The following NAV3 variants were observed in gnomAD, a reference collection of about 807,000 sequenced individuals.
The protein encoded by NAV3 is pore membrane and/or filament interacting like protein 1.
NAV3 carries 87 observed loss-of-function variants against 244.7 expected under a neutral mutation model. The ratio of observed to expected loss-of-function variants is 0.36; its 90% confidence interval spans 0.30 to 0.42. NAV3 has a LOEUF of 0.42. NAV3 is among the 20% of genes least tolerant of loss of function. NAV3 has a pLI of 1.00. For synonymous variants in NAV3, 1,126 were observed against 1,042.2 expected (o/e 1.08, Z -1.55); for missense variants, 2,663 against 2,893.3 (o/e 0.92, Z 1.83).
chr12:77,691,415 A>T (rs1875026473), intron 2 of NAV3, among the ~76,000 whole-genome samples: 1 of 142,858 alleles, frequency 7.0e-6, no homozygotes, highest in African/African-American at 2.6e-5. Flanking sequence ...ACCAGAAATT[A>T]TTATTTACTA....
chr12:77,574,950 G>C (rs534550552), intron 2 of NAV3, among the ~76,000 whole-genome samples: 1 of 151,400 alleles, frequency 6.6e-6, no homozygotes, highest in East Asian at 1.9e-4. Context: ...TATTAAGATA[G>C]TATCTTCCTA....
chr12:77,739,133 C>A (rs1227162755), intron 2 of NAV3, among the ~76,000 whole-genome samples: 1 of 151,182 alleles, frequency 6.6e-6, no homozygotes, highest in African/African-American at 2.4e-5. Context: ...TTCGTTATCC[C>A]AATTTCCACA....
chr12:78,007,009 G>A lies in NAV3; in HGVS notation c.1471G>A (p.Val491Met). 3 of 1,614,110 alleles carry A rather than the reference G, an allele frequency of 1.9e-6. No homozygotes were observed. Among genetic ancestry groups the A allele is most frequent in the Non-Finnish European group, 2.5e-6 (3 of 1,180,020 alleles). Residue 491 changes from valine to methionine, a missense_variant, in exon 8 of 40, where the codon GTG (valine) becomes ATG (methionine). Val to Met is a conservative substitution (Grantham distance 21). Around this residue, in one of 6 missense-constraint regions of NAV3, gnomAD observed 1,521 missense variants for 1,497.0 expected, o/e 1.02. Coordinates refer to ENST00000397909, the MANE Select transcript of NAV3 (RefSeq NM_001024383.2). ...EKPVKEEKDQ[V>M]TEMAPKKTSK... ...ACCAGTCAAAGAAGAGAAGGATCAG[G>A]TGACAGAGATGGCTCCAAAAAAGAC...
At chr12:77,968,931 T>C (rs1288713799) in intron 5 of NAV3, among the ~76,000 whole-genome samples, 1 of 152,194 alleles carries the variant, frequency 6.6e-6, no homozygotes, top group Non-Finnish European at 1.5e-5. Flanking sequence ...AAGATTGTTG[T>C]TCTGTATCAC....
At chr12:77,693,483 A>T (rs1875131445) in intron 2 of NAV3, among the ~76,000 whole-genome samples, 1 of 152,030 alleles carries the variant, frequency 6.6e-6, no homozygotes, top group Non-Finnish European at 1.5e-5. Flanking sequence ...AGCTCCATTC[A>T]TGCCAACCAT....
chr12:78,190,438 A>G (rs1291836385), intron 34 of NAV3, among the ~76,000 whole-genome samples: 1 of 151,994 alleles, frequency 6.6e-6, no homozygotes, highest in Non-Finnish European at 1.5e-5. Flanking sequence ...ACTCCCTAAG[A>G]TATTGGGAAT....
intron 22 of NAV3, among the ~76,000 whole-genome samples, chr12:78,151,397 G>A (rs1028262104): frequency 6.6e-6 from 1 of 151,800 alleles, no homozygotes; most frequent in Non-Finnish European, 1.5e-5. Flanking sequence ...CCCTTAATAG[G>A]CCAGTTAATA....
At chr12:77,935,377 A>C (rs146411917) in intron 1 of NAV3, among the ~76,000 whole-genome samples, 31 of 152,284 alleles carry the variant, frequency 2.0e-4, no homozygotes, top group African/African-American at 7.5e-4. Flanking sequence ...AATAATGAGC[A>C]CTGTAAGAGA....
chr12:77,755,772 C>CACA (rs1344001419), intron 2 of NAV3, among the ~76,000 whole-genome samples: 1 of 150,510 alleles, frequency 6.6e-6, no homozygotes, highest in Non-Finnish European at 1.5e-5. Flanking sequence ...CTTGCCTTGT[C>CACA]ACTCAGGGTG....
At chr12:77,648,977 C>T (rs1227185242) in intron 2 of NAV3, among the ~76,000 whole-genome samples, 1 of 152,104 alleles carries the variant, frequency 6.6e-6, no homozygotes, top group Non-Finnish European at 1.5e-5. Context: ...CAGATAGAAT[C>T]AGTCTTAGGA....
chr12:77,606,107 T>C (rs1426176150), intron 2 of NAV3, among the ~76,000 whole-genome samples: 1 of 152,166 alleles, frequency 6.6e-6, no homozygotes, highest in African/African-American at 2.4e-5. Context: ...TAGGTAAAAA[T>C]GAGCACTTGG....
chr12:77,650,779 C>T (rs1872787423), intron 2 of NAV3, among the ~76,000 whole-genome samples: 1 of 151,866 alleles, frequency 6.6e-6, no homozygotes, highest in African/African-American at 2.4e-5. Flanking sequence ...CTTAAATTTC[C>T]TTTTTATGGT....
chr12:77,862,743 GA>G (rs1879433508), intron 1 of NAV3, among the ~76,000 whole-genome samples: 1 of 151,626 alleles, frequency 6.6e-6, no homozygotes, highest in African/African-American at 2.4e-5. Flanking sequence ...GGTGATATGT[GA>G]CCTTCTTCTT....
chr12:77,797,883 GT>G (rs1485409539), intron 2 of NAV3, among the ~76,000 whole-genome samples: 1 of 149,288 alleles, frequency 6.7e-6, no homozygotes, highest in Non-Finnish European at 1.5e-5. Context: ...AAATAGCTTT[GT>G]TTTACCCGGT....
chr12:77,694,475 T>TA (rs755271316), intron 2 of NAV3, among the ~76,000 whole-genome samples: 8,422 of 134,324 alleles, frequency 0.063, 541 homozygotes, highest in African/African-American at 0.18. Flanking sequence ...CCATCTCAAT[T>TA]AAAAAAAAAA....
chr12:77,723,508 A>T, intron 2 of NAV3, among the ~76,000 whole-genome samples: 1 of 152,000 alleles, frequency 6.6e-6, no homozygotes, highest in Non-Finnish European at 1.5e-5. Context: ...AGCCAATGAT[A>T]AACAAAATAA....
rs201299450 is a variant in NAV3, at chr12:78,056,455, A to T, written c.2517-2541A>T. 9 of 152,380 alleles carry T rather than the reference A, an allele frequency of 5.9e-5. No individual in the cohort carries two copies. In the East Asian group the frequency reaches 1.7e-3, roughly 29 times the overall value. The allele number at this position is 152,380 out of a possible 1,614,324, so 9.4% of individuals were successfully genotyped here. A position where few individuals can be genotyped will look rare whatever the true frequency, so the allele number is the denominator to read the frequency against. On this transcript the variant is annotated intron_variant, in intron 11 of 39. Transcript: ENST00000397909. Reference sequence around the variant, plus strand: ...TTAGAAGTATTTATGCTGGCCGGGTATGGTGGCTCATGCCTGTAATCCCAG... The same window carrying T: ...TTAGAAGTATTTATGCTGGCCGGGTTTGGTGGCTCATGCCTGTAATCCCAG...
At chr12:77,880,463 G>T (rs1882484899) in intron 1 of NAV3, among the ~76,000 whole-genome samples, 1 of 152,102 alleles carries the variant, frequency 6.6e-6, no homozygotes, top group South Asian at 2.1e-4. Flanking sequence ...CCTCAATGTT[G>T]TATTGCTCAG....
rs145653446 is a variant in NAV3 at position 78,104,771 on chromosome 12, C to T, written c.2637-12001C>T. Among the ~76,000 whole-genome samples, 18 of 152,286 alleles carry T rather than the reference C, an allele frequency of 1.2e-4. No homozygotes were observed. The East Asian group carries it at 3.1e-3, about 26-fold the overall frequency. Reference sequence around the variant, plus strand: ...CAACTGCTACCACAGTCTTCCTGATCACTGATCTGTTCTAAATCTCTATAG... The same window carrying T: ...CAACTGCTACCACAGTCTTCCTGATTACTGATCTGTTCTAAATCTCTATAG... On this transcript the variant is annotated intron_variant, in intron 12 of 39. Transcript: ENST00000397909.
Sources: allele counts gnomAD v4.1 joint callset (sites outside exome capture counted in the v4.1 genomes callset), GRCh38; gene constraint gnomAD v4.1.1; regional missense constraint gnomAD v4.1.1; transcripts MANE v1.5; gene names NCBI Gene and HGNC (gene_info 2026-07-23, HGNC 2026-07-21).